ANKRD30A: variants seen among roughly 807,000 people sequenced by gnomAD.
ANKRD30A encodes the protein ankyrin repeat domain 30A, also known as ankyrin repeat domain-containing protein 30A.
Under a neutral mutation model 166.3 loss-of-function variants are expected in ANKRD30A, and 170 were observed. The ratio of observed to expected loss-of-function variants is 1.02; its 90% CI spans 0.90 to 1.16. ANKRD30A has a LOEUF of 1.16. ANKRD30A is among the 50% of genes most tolerant of loss of function. ANKRD30A has a pLI of 0.00. For synonymous variants in ANKRD30A, 564 were observed against 508.9 expected, an observed-to-expected ratio of 1.11 and a Z score of -1.46; for missense variants, 1,630 against 1,518.0, an observed-to-expected ratio of 1.07 and a Z score of -1.23.
chr10:37,155,937 C>T (rs1428292550), intron 13 of ANKRD30A, among the ~76,000 whole-genome samples: 4 of 151,868 alleles, frequency 2.6e-5, no homozygotes, highest in Non-Finnish European at 1.5e-5. Context: ...AAAAATTAGC[C>T]GGGCGTGGTG....
At chr10:37,257,520 T>C in the ANKRD30A span, among the ~76,000 whole-genome samples, 6 of 152,202 alleles carry the variant, frequency 3.9e-5, no homozygotes, top group Non-Finnish European at 8.8e-5. Flanking sequence ...TTTCCAGCTT[T>C]CTGTTGTGGG....
chr10:37,152,239 A>G lies in ANKRD30A; in HGVS notation c.1707+118A>G, dbSNP rs777955611. 31 of 852,756 alleles carry G rather than the reference A, an allele frequency of 3.6e-5. No homozygotes were observed. In the East Asian group the frequency reaches 8.1e-4, roughly 22 times the overall value. The allele number at this position is 852,756 out of a possible 1,614,324, so 52.8% of individuals were successfully genotyped here. On this transcript the variant is annotated intron_variant, in intron 12 of 35. Transcript: ENST00000361713. ...ATATGTCACCCCGAAATTATTTTTG[A>G]TATTTTTCAGAATATGCTTAATGGA... is the stretch of plus-strand genomic sequence containing the variant.
At chr10:37,128,299 T>G (rs2132502494) in intron 1 of ANKRD30A, among the ~76,000 whole-genome samples, 2 of 152,196 alleles carry the variant, frequency 1.3e-5, no homozygotes, top group East Asian at 3.9e-4. Flanking sequence ...TTATTGTTAA[T>G]AAAATAATTT....
intron 15 of ANKRD30A, among the ~76,000 whole-genome samples, chr10:37,159,016 T>G (rs1838614727): frequency 6.6e-6 from 1 of 152,200 alleles, no homozygotes. Context: ...GCTTTTTTTT[T>G]GATTAGCTGA....
At chr10:37,218,803 C>T (rs184744193) in intron 33 of ANKRD30A, among the ~76,000 whole-genome samples, 177 bp from the exon 34 acceptor site, 28 of 150,488 alleles carry the variant, frequency 1.9e-4, no homozygotes, top group Admixed American at 4.0e-4. Flanking sequence ...AATGTTTGAA[C>T]TTTGGGGAAT....
chr10:37,148,102 A>G (rs1220198050), intron 9 of ANKRD30A, among the ~76,000 whole-genome samples: 2 of 150,652 alleles, frequency 1.3e-5, no homozygotes, highest in Non-Finnish European at 3.0e-5. Context: ...TCAGCTGAAT[A>G]CCTTGTTAAT....
chr10:37,153,767 A>T, intron 13 of ANKRD30A, 105 bp downstream of exon 13: 1 of 1,484,228 alleles, frequency 6.7e-7, no homozygotes. Flanking sequence ...CTAAATGCAA[A>T]CCATGGAAAA....
chr10:37,125,857 C>CT lies in ANKRD30A; in HGVS notation c.71dup (p.Val25SerfsTer16). ...GGAGCGCCCGAGCCCTTTCAGCCAG[C>CT]TAGTCTATACCAGCAACGACTCCTA... On this transcript the variant is annotated frameshift_variant, in exon 1 of 36. Coordinates refer to ENST00000361713, the MANE Select transcript of ANKRD30A (RefSeq NM_052997.3). LOFTEE classifies it high-confidence loss of function. 2.2e-6 allele frequency: 3 copies of CT among 1,350,162 alleles called. No individual in the cohort carries two copies. The highest frequency in any genetic ancestry group is 2.6e-4 in the Middle Eastern group (1 of 3,898). The allele number at this position is 1,350,162 out of a possible 1,614,324, so 83.6% of individuals were successfully genotyped here. A position where few individuals can be genotyped will look rare whatever the true frequency, so the allele number is the denominator to read the frequency against.
chr10:37,195,102 G>C (rs183550725), intron 27 of ANKRD30A, among the ~76,000 whole-genome samples: 2 of 152,006 alleles, frequency 1.3e-5, no homozygotes, highest in Non-Finnish European at 2.9e-5. Flanking sequence ...TTAGGCCCCC[G>C]GTGTATTTGT....
At chr10:37,196,093 A>ATTT (rs749036981) in intron 27 of ANKRD30A, among the ~76,000 whole-genome samples, 4,120 of 129,394 alleles carry the variant, frequency 0.032, 123 homozygotes, top group Non-Finnish European at 0.041. Context: ...TATATTTTCT[A>ATTT]TTTTTTTTTT....
At chr10:37,265,471 T>C in the ANKRD30A span, among the ~76,000 whole-genome samples, 9 of 152,322 alleles carry the variant, frequency 5.9e-5, no homozygotes, top group African/African-American at 2.2e-4. Context: ...TGTATTTCTC[T>C]GCACAGAGTG....
chr10:37,130,173 G>A (rs763534436), intron 2 of ANKRD30A, 32 bp from the exon 3 acceptor site: 13 of 1,457,762 alleles, frequency 8.9e-6, no homozygotes, highest in African/African-American at 3.0e-5. Flanking sequence ...AAATTATACA[G>A]TTTACAATAA....
intron 32 of ANKRD30A, 150 bp from the exon 33 acceptor site, chr10:37,217,545 G>A (rs943142671): frequency 4.1e-6 from 2 of 493,386 alleles, no homozygotes; most frequent in African/African-American, 2.0e-5. Context: ...GAAGAGTTTG[G>A]AGTAATAAAT....
chr10:37,165,179 T>A lies in ANKRD30A; in HGVS notation c.2064+24T>A, dbSNP rs750053260. The stretch of plus-strand genomic sequence containing the variant: ...AGGTACTGTGTGTTGTTGATTTTTT[T>A]AAATATTAGTATTGCATGATATGAA... On this transcript the variant is annotated intron_variant, in intron 18 of 35. Transcript: ENST00000361713. 5.1e-5 allele frequency: 80 copies of A among 1,571,580 alleles called. No homozygotes were observed. In the East Asian group the frequency reaches 7.2e-4, roughly 14 times the overall value.
intron 15 of ANKRD30A, among the ~76,000 whole-genome samples, chr10:37,160,889 A>C (rs1157922819): frequency 6.6e-6 from 1 of 152,200 alleles, no homozygotes. Context: ...TTATATTTAA[A>C]GTATACCTAA....
chr10:37,148,088 A>G (rs1837641029), intron 9 of ANKRD30A, among the ~76,000 whole-genome samples: 1 of 150,602 alleles, frequency 6.6e-6, no homozygotes, highest in African/African-American at 2.4e-5. Flanking sequence ...GAAACATTAG[A>G]AAATCAGCTG....
rs370351587 is a variant in ANKRD30A at position 37,125,613 on chromosome 10, G to C, written c.-175G>C. Among the ~76,000 whole-genome samples, 52 of 151,714 alleles carry C rather than the reference G, an allele frequency of 3.4e-4. 1 individual carries two copies. Among genetic ancestry groups the C allele is most frequent in the African/African-American group, 1.3e-3 (52 of 41,464 alleles). Reference sequence around the variant, plus strand: ...GCTGGCTAACGGCTCTGCTCAGCGCGATTCTACTGAGAGAGGCCTGAGTGT... The same window carrying C: ...GCTGGCTAACGGCTCTGCTCAGCGCCATTCTACTGAGAGAGGCCTGAGTGT... On this transcript the variant is annotated 5_prime_UTR_variant, in exon 1 of 36. Coordinates refer to ENST00000361713, the MANE Select transcript of ANKRD30A (RefSeq NM_052997.3).
chr10:37,262,281 T>C, the ANKRD30A span, among the ~76,000 whole-genome samples: 2 of 152,174 alleles, frequency 1.3e-5, no homozygotes, highest in Admixed American at 6.5e-5. Context: ...CATCACTAGA[T>C]TGAGAGCTCT....
intron 7 of ANKRD30A, among the ~76,000 whole-genome samples, chr10:37,143,297 A>G (rs1374823383): frequency 6.6e-6 from 1 of 152,196 alleles, no homozygotes; most frequent in African/African-American, 2.4e-5. Context: ...TTTGAGTATC[A>G]GGGCATACTG....
Sources: gnomAD v4.1 joint callset for allele counts (sites outside exome capture counted in the v4.1 genomes callset) on GRCh38, gnomAD v4.1.1 for gene constraint, MANE v1.5 for transcripts, NCBI Gene and HGNC (gene_info 2026-07-23, HGNC 2026-07-21) for gene names.